The following CNTN5 variants were observed in gnomAD, a reference collection of about 807,000 sequenced individuals.
CNTN5 encodes the protein contactin-5.
A neutral mutation model predicts 129.1 loss-of-function variants in CNTN5; 77 were observed. The ratio of observed to expected loss-of-function variants is 0.60; its 90% confidence interval spans 0.50 to 0.72. CNTN5 has a LOEUF of 0.72. CNTN5 is among the 30% of genes least tolerant of loss of function. The pLI is 0.00. For missense variants in CNTN5, 1,478 were observed against 1,328.8 expected (o/e 1.11, Z -1.75); for synonymous variants, 509 against 465.6 (o/e 1.09, Z -1.20).
chr11:100,333,408 GAAAAAA>G (rs547220238), intron 21 of CNTN5, among the ~76,000 whole-genome samples: 1 of 74,276 alleles, frequency 1.3e-5, no homozygotes, highest in East Asian at 4.2e-4. Context: ...CACTGAATTA[GAAAAAA>G]AAAAAAAAAA....
At chr11:99,474,358 A>T (rs184746574) in intron 2 of CNTN5, among the ~76,000 whole-genome samples, 162 of 152,130 alleles carry the variant, frequency 1.1e-3, no homozygotes, top group African/African-American at 3.7e-3. Flanking sequence ...TGAAATCCTA[A>T]CTTTACATTT....
chr11:99,798,263 G>A (rs570646672), intron 3 of CNTN5, among the ~76,000 whole-genome samples: 1 of 152,024 alleles, frequency 6.6e-6, no homozygotes, highest in Non-Finnish European at 1.5e-5. Context: ...CCATGTTCCT[G>A]CCCAATCCAT....
At chr11:99,623,624 T>C (rs1282552426) in intron 3 of CNTN5, among the ~76,000 whole-genome samples, 3 of 151,840 alleles carry the variant, frequency 2.0e-5, no homozygotes, top group Non-Finnish European at 4.4e-5. Flanking sequence ...GTCTCGGGTC[T>C]AATCCAAGAA....
chr11:99,306,776 A>G (rs1864896843), intron 1 of CNTN5, among the ~76,000 whole-genome samples: 1 of 126,240 alleles, frequency 7.9e-6, no homozygotes, highest in Non-Finnish European at 1.8e-5. Context: ...TAATAATAAT[A>G]ATAATAATTT....
At chr11:100,017,591 C>T (rs1940897653) in intron 9 of CNTN5, among the ~76,000 whole-genome samples, 1 of 151,946 alleles carries the variant, frequency 6.6e-6, no homozygotes, top group African/African-American at 2.4e-5. Flanking sequence ...TGAGTGATGA[C>T]ATGTACTTCC....
At chr11:100,189,266 T>TA (rs35445081) in intron 13 of CNTN5, among the ~76,000 whole-genome samples, 6,540 of 130,918 alleles carry the variant, frequency 0.05, 187 homozygotes, top group African/African-American at 0.066. Context: ...TAAGTTGAAT[T>TA]AAAAAAAAAA....
intron 6 of CNTN5, among the ~76,000 whole-genome samples, chr11:99,856,985 A>ACTCCCTCC (rs1948055902): frequency 7.0e-6 from 1 of 142,826 alleles, no homozygotes. Flanking sequence ...TCTCCCTGTT[A>ACTCCCTCC]CTCCCTCCCT....
chr11:99,627,770 G>A (rs1219623562), intron 3 of CNTN5, among the ~76,000 whole-genome samples: 1 of 151,784 alleles, frequency 6.6e-6, no homozygotes, highest in African/African-American at 2.4e-5. Context: ...GCATTGAAAG[G>A]ACAAGATCTG....
intron 6 of CNTN5, among the ~76,000 whole-genome samples, chr11:99,905,258 T>A (rs1335162833): frequency 6.6e-6 from 1 of 152,148 alleles, no homozygotes; most frequent in East Asian, 1.9e-4. Flanking sequence ...TCTTCAAGGG[T>A]TTTTGTGGTT....
At chr11:99,980,069 G>A (rs1369028492) in intron 8 of CNTN5, among the ~76,000 whole-genome samples, 3 of 152,172 alleles carry the variant, frequency 2.0e-5, no homozygotes, top group Non-Finnish European at 2.9e-5. Context: ...ACAATGATTA[G>A]TGCATAACCT....
intron 15 of CNTN5, among the ~76,000 whole-genome samples, chr11:100,211,770 G>T (rs935112009): frequency 1.3e-5 from 2 of 151,972 alleles, no homozygotes; most frequent in African/African-American, 4.8e-5. Flanking sequence ...CACAATGAAG[G>T]TACATTTAAT....
At chr11:99,596,652 CAT>C (rs1950135553) in intron 3 of CNTN5, among the ~76,000 whole-genome samples, 1 of 152,126 alleles carries the variant, frequency 6.6e-6, no homozygotes, top group Non-Finnish European at 1.5e-5. Context: ...ATTACATAAA[CAT>C]GTGGGAGGAA....
intron 1 of CNTN5, among the ~76,000 whole-genome samples, chr11:99,096,861 A>C (rs1866489228): frequency 6.6e-6 from 1 of 151,844 alleles, no homozygotes; most frequent in African/African-American, 2.4e-5. Flanking sequence ...GACAGGCTTT[A>C]GTTTCCTTGC....
At chr11:99,136,680 G>A (rs1859238622) in intron 1 of CNTN5, among the ~76,000 whole-genome samples, 1 of 152,026 alleles carries the variant, frequency 6.6e-6, no homozygotes, top group African/African-American at 2.4e-5. Flanking sequence ...CAGCTTATCA[G>A]CTATCAAATA....
At chr11:99,693,394 A>C (rs1954123139) in intron 3 of CNTN5, among the ~76,000 whole-genome samples, 1 of 152,088 alleles carries the variant, frequency 6.6e-6, no homozygotes, top group Non-Finnish European at 1.5e-5. Context: ...ATGTGAAATT[A>C]TGATACATAG....
At chr11:99,467,118 A>T (rs1313802180) in intron 2 of CNTN5, among the ~76,000 whole-genome samples, 1 of 152,168 alleles carries the variant, frequency 6.6e-6, no homozygotes, top group African/African-American at 2.4e-5. Flanking sequence ...AATTTTGAAG[A>T]TAATTTCATT....
In CNTN5 at chr11:99,939,606, A is replaced by G. The variant is rs555634881; in HGVS notation, c.674-17200A>G. On this transcript the variant is annotated intron_variant, in intron 7 of 24. Coordinates refer to ENST00000524871, the MANE Select transcript of CNTN5 (RefSeq NM_014361.4). ...ATAGTGTCCATGTGCCACTGTATCA[A>G]TAGTCAACCAAATATTTATTTTTTT... 2.0e-5 allele frequency among the ~76,000 whole-genome samples: 3 copies of G among 148,530 alleles called. No individual in the cohort carries two copies. In the East Asian group the frequency reaches 5.9e-4, roughly 29 times the overall value.
In CNTN5 at chr11:100,246,059, T is replaced by G. The variant is rs1025141734; in HGVS notation, c.2006-9701T>G. ...CAATGATAGTACATTTTTTCATTTTTGAATGTTTCACATATTTTCTATTTT... is the reference window on the plus strand; with the variant it reads ...CAATGATAGTACATTTTTTCATTTTGGAATGTTTCACATATTTTCTATTTT... On this transcript the variant is annotated intron_variant, in intron 16 of 24. Transcript: ENST00000524871. Among the ~76,000 whole-genome samples the G allele has an allele frequency of 2.0e-5, 3 of 152,274 alleles. No homozygotes were observed. In the East Asian group the frequency reaches 5.8e-4, roughly 29 times the overall value.
chr11:100,318,158 G>A (rs1181544513), intron 21 of CNTN5, among the ~76,000 whole-genome samples: 8 of 148,162 alleles, frequency 5.4e-5, no homozygotes, highest in African/African-American at 2.0e-4. Context: ...GGAGAATGGC[G>A]TGAACCCGGG....
Sources: gnomAD v4.1 joint callset for allele counts (sites outside exome capture counted in the v4.1 genomes callset) on GRCh38, gnomAD v4.1.1 for gene constraint, MANE v1.5 for transcripts, NCBI Gene and HGNC (gene_info 2026-07-23, HGNC 2026-07-21) for gene names.